The following PLA1A variants were observed in gnomAD, a reference collection of about 807,000 sequenced individuals.
The protein encoded by PLA1A is phospholipase A1 member A.
PLA1A carries 47 observed loss-of-function variants against 49.4 expected under a neutral mutation model. That is an observed-to-expected ratio of 0.95 (90% confidence interval 0.75 to 1.21). PLA1A has a LOEUF of 1.21. Ranked by LOEUF, PLA1A falls within the 50% of genes most tolerant of loss-of-function variation. The pLI, the probability that PLA1A is intolerant of heterozygous loss-of-function variation, is 0.00. For missense variants in PLA1A, 561 were observed against 563.9 expected, an observed-to-expected ratio of 0.99 and a Z score of 0.05; for synonymous variants, 224 against 207.9, an observed-to-expected ratio of 1.08 and a Z score of -0.67.
rs775724076 is a variant in PLA1A at position 119,609,523 on chromosome 3, A to G, written c.509A>G (p.His170Arg). ...ATCATTGGTGTTAGCCTGGGGGCCC[A>G]CGTTGGGGGCATGGTGGGACAGCTC... The part of the protein sequence containing the change: ...IHIIGVSLGA[H>R]VGGMVGQLFG... Residue 170 changes from histidine (H) to arginine (R), a missense_variant, in exon 4 of 11, where the codon CAC becomes CGC. His to Arg is a conservative substitution (Grantham distance 29). Transcript: ENST00000273371. 1.2e-6 allele frequency: 2 copies of G among 1,613,428 alleles called. No individual in the cohort carries two copies. The highest frequency in any genetic ancestry group is 1.7e-6 in the Non-Finnish European group (2 of 1,179,392).
intron 6 of PLA1A, among the ~76,000 whole-genome samples, chr3:119,617,304 G>A (rs2082861686): frequency 6.6e-6 from 1 of 152,162 alleles, no homozygotes; most frequent in African/African-American, 2.4e-5. Context: ...GCTGGGTAGG[G>A]TATAATGAGG....
chr3:119,600,817 G>C (rs933985059), intron 1 of PLA1A, among the ~76,000 whole-genome samples: 1 of 152,374 alleles, frequency 6.6e-6, no homozygotes, highest in South Asian at 2.1e-4. Context: ...TGTCTGTGGG[G>C]AGCCCAGGGC....
At position 119,625,250 on chromosome 3, in the gene PLA1A, C is replaced by A. The variant is rs373619619; in HGVS notation, c.1121+18C>A. 4 of 1,460,530 alleles carry A rather than the reference C, an allele frequency of 2.7e-6. No homozygotes were observed. The highest frequency in any genetic ancestry group is 3.8e-6 in the Non-Finnish European group (4 of 1,040,236). The allele number at this position is 1,460,530 out of a possible 1,614,324, so 90.5% of individuals were successfully genotyped here. On this transcript the variant is annotated intron_variant, in intron 9 of 10. Transcript: ENST00000273371. The stretch of plus-strand genomic sequence containing the variant: ...ATCACCATGTACGTAAGTGTCCCAC[C>A]TGGTTGACTCCTCCCCTTAGGAGTT...
Position 119,606,758 on chromosome 3 carries a change from T to C in PLA1A, c.74-16T>C. Reference sequence around the variant, plus strand: ...CTCACCTTGGATGTTGCTTGTTTTGTTTTGTTTTCCTCCAGGGGATGCACC... The same window carrying C: ...CTCACCTTGGATGTTGCTTGTTTTGCTTTGTTTTCCTCCAGGGGATGCACC... On this transcript the variant is annotated splice_polypyrimidine_tract_variant and intron_variant, in intron 1 of 10. Coordinates refer to ENST00000273371, the MANE Select transcript of PLA1A (RefSeq NM_015900.4). The C allele has an allele frequency of 3.1e-6, 5 of 1,609,208 alleles. No individual in the cohort carries two copies. The highest frequency in any genetic ancestry group is 4.3e-6 in the Non-Finnish European group (5 of 1,176,340).
intron 8 of PLA1A, chr3:119,620,022 T>G: frequency 2.2e-6 from 1 of 462,142 alleles, no homozygotes; most frequent in Non-Finnish European, 4.3e-6. Context: ...CCTCCAAGGT[T>G]GGGGTCCCTG....
intron 8 of PLA1A, among the ~76,000 whole-genome samples, chr3:119,624,370 G>T (rs1468599367): frequency 2.0e-5 from 3 of 152,006 alleles, no homozygotes; most frequent in African/African-American, 7.3e-5. Context: ...TCCCTCAAAG[G>T]CCCCACCTCT....
chr3:119,616,744 C>G (rs533864338), intron 6 of PLA1A, among the ~76,000 whole-genome samples: 1 of 152,348 alleles, frequency 6.6e-6, no homozygotes, highest in South Asian at 2.1e-4. Flanking sequence ...AACTACTGAT[C>G]TATTTTACCA....
At position 119,608,967 on chromosome 3, in the gene PLA1A, G is replaced by A. The variant is rs761774913; in HGVS notation, c.453+20G>A. 1 of 1,603,260 alleles carries A rather than the reference G, an allele frequency of 6.2e-7. No individual in the cohort carries two copies. The highest frequency in any genetic ancestry group is 8.5e-7 in the Non-Finnish European group (1 of 1,170,298). On this transcript the variant is annotated intron_variant, in intron 3 of 10. Coordinates refer to ENST00000273371, the MANE Select transcript of PLA1A (RefSeq NM_015900.4). ...CTCCTGGTAGGTGCAGAAGAGCTTA[G>A]GGTGAGTTTGGGCTGCGTATGAGGA... is the stretch of plus-strand genomic sequence containing the variant.
rs1303550664 is a variant in PLA1A, at chr3:119,613,119, G to A, written c.664+1G>A. On this transcript the variant is annotated splice_donor_variant, in intron 5 of 10. Coordinates refer to ENST00000273371, the MANE Select transcript of PLA1A (RefSeq NM_015900.4). LOFTEE classifies it high-confidence loss of function. ...GAAGCCATCCACACAGACACCGACA[G>A]TGAGCTGGGGTGACCTTCCTGGGAT... 2 of 1,590,540 alleles carry A rather than the reference G, an allele frequency of 1.3e-6. No individual in the cohort carries two copies. The highest frequency in any genetic ancestry group is 1.7e-6 in the Non-Finnish European group (2 of 1,163,726).
At chr3:119,603,404 G>A (rs549521677) in intron 1 of PLA1A, among the ~76,000 whole-genome samples, 1 of 152,280 alleles carries the variant, frequency 6.6e-6, no homozygotes, top group East Asian at 1.9e-4. Context: ...GATATCCCAG[G>A]CAACTTTGCA....
At chr3:119,615,972 C>T (rs1356093617) in intron 5 of PLA1A, 40 bp from the exon 6 acceptor site, 1 of 1,365,274 alleles carries the variant, frequency 7.3e-7, no homozygotes, top group East Asian at 2.3e-5. Context: ...GAGCCGACCC[C>T]CTGAAGTAAG....
At chr3:119,600,175 C>T (rs956871929) in intron 1 of PLA1A, 13 of 543,312 alleles carry the variant, frequency 2.4e-5, no homozygotes, top group Non-Finnish European at 3.9e-5. Flanking sequence ...CCTGCTGTCA[C>T]ACAAGGGCAG....
intron 2 of PLA1A, among the ~76,000 whole-genome samples, chr3:119,608,261 A>AAAGAAAG (rs2082718953): frequency 6.6e-6 from 1 of 150,874 alleles, no homozygotes; most frequent in African/African-American, 2.4e-5. Context: ...AGAAAGAAAG[A>AAAGAAAG]AAGAAAGAAA....
chr3:119,604,110 T>C (rs2082652577), intron 1 of PLA1A, among the ~76,000 whole-genome samples: 1 of 151,546 alleles, frequency 6.6e-6, no homozygotes, highest in Non-Finnish European at 1.5e-5. Flanking sequence ...CTTTAACCCA[T>C]ACATTCCTTA....
chr3:119,624,894 G>C (rs573454078), intron 8 of PLA1A, among the ~76,000 whole-genome samples: 1 of 152,232 alleles, frequency 6.6e-6, no homozygotes, highest in Non-Finnish European at 1.5e-5. Context: ...GCCTCCCAAA[G>C]TGCTGGGATT....
chr3:119,619,604 A>G lies in PLA1A; in HGVS notation c.964A>G (p.Lys322Glu), dbSNP rs549879036. The G allele has an allele frequency of 6.2e-6, 10 of 1,613,744 alleles. No individual in the cohort carries two copies. The highest frequency in any genetic ancestry group is 7.6e-6 in the Non-Finnish European group (9 of 1,179,738). Residue 322 changes from lysine to glutamate, a missense_variant, in exon 8 of 11, where the codon AAG becomes GAG. Lys to Glu is a moderately conservative substitution (Grantham distance 56, BLOSUM62 1). Transcript: ENST00000273371. ...TGGTGTCAAGATAGAGCCGCTCCCC[A>G]AGGAAGTGAAAGTCTACCTCCTGAC... ...QGGVKIEPLPKEVKVYLLTTS... is the reference protein window; with the variant it reads ...QGGVKIEPLPEEVKVYLLTTS...
At chr3:119,619,721 T>C in intron 8 of PLA1A, 69 bp downstream of exon 8, 2 of 1,067,492 alleles carry the variant, frequency 1.9e-6, no homozygotes, top group South Asian at 1.3e-5. Flanking sequence ...CCCAGTGTGG[T>C]AGCCTGGGTG....
chr3:119,628,740 T>C lies in PLA1A; in HGVS notation c.1161T>C (p.His387=), dbSNP rs765059385. The C allele has an allele frequency of 1.2e-6, 2 of 1,614,142 alleles. No individual in the cohort carries two copies. The highest frequency in any genetic ancestry group is 1.7e-6 in the Non-Finnish European group (2 of 1,179,976). Reference sequence around the variant, plus strand: ...GCTATGGGAAAGGAATCATAGCCCATGCCACCCCACAATGCCAGATAAACC... The same window carrying C: ...GCTATGGGAAAGGAATCATAGCCCACGCCACCCCACAATGCCAGATAAACC... The part of the protein sequence containing the change: ...QQRYGKGIIA[H]ATPQCQINQV... Residue 387 remains histidine (H), a synonymous_variant, in exon 10 of 11, where the codon CAT becomes CAC. Coordinates refer to ENST00000273371, the MANE Select transcript of PLA1A (RefSeq NM_015900.4).
chr3:119,604,545 AG>A (rs2107777366), intron 1 of PLA1A, among the ~76,000 whole-genome samples: 1 of 152,328 alleles, frequency 6.6e-6, no homozygotes, highest in South Asian at 2.1e-4. Flanking sequence ...ACACATATGT[AG>A]GAGCTAAAAA....
Sources: gnomAD v4.1 joint callset for allele counts (sites outside exome capture counted in the v4.1 genomes callset) on GRCh38, gnomAD v4.1.1 for gene constraint, MANE v1.5 for transcripts, NCBI Gene and HGNC (gene_info 2026-07-23, HGNC 2026-07-21) for gene names.